FBXO40: variants seen among roughly 807,000 people sequenced by gnomAD.
FBXO40 encodes F-box only protein 40.
Under a neutral mutation model 49.9 loss-of-function variants are expected in FBXO40, and 50 were observed. The ratio of observed to expected loss-of-function variants is 1.00; its 90% CI spans 0.80 to 1.27. FBXO40 has a LOEUF of 1.27. FBXO40 is among the 50% of genes most tolerant of loss of function. FBXO40 has a pLI of 0.00. For missense variants in FBXO40, 895 were observed against 870.1 expected, an observed-to-expected ratio of 1.03 and a Z score of -0.36; for synonymous variants, 340 against 320.2, an observed-to-expected ratio of 1.06 and a Z score of -0.66.
chr3:121,616,001 A>G (rs1279135861), intron 1 of FBXO40, among the ~76,000 whole-genome samples: 1 of 152,192 alleles, frequency 6.6e-6, no homozygotes, highest in Non-Finnish European at 1.5e-5. Context: ...CCACAGCCAG[A>G]CACCCTCACA....
chr3:121,616,207 A>G (rs1275562341), intron 1 of FBXO40, among the ~76,000 whole-genome samples: 1 of 152,064 alleles, frequency 6.6e-6, no homozygotes. Context: ...GACTAGGGCT[A>G]TTAGGAGTAT....
intron 3 of FBXO40, 114 bp from the exon 4 acceptor site, chr3:121,626,579 ACT>A (rs1437707259): frequency 5.5e-6 from 5 of 915,496 alleles, no homozygotes; most frequent in South Asian, 1.5e-5. Context: ...GCCACTAAAC[ACT>A]CTGGAGTCTA....
chr3:121,627,462 C>T lies in FBXO40; in HGVS notation c.*552C>T, dbSNP rs1269336570. The T allele has an allele frequency of 5.7e-6, 1 of 174,378 alleles. No homozygotes were observed. Among genetic ancestry groups the T allele is most frequent in the African/African-American group, 2.4e-5 (1 of 42,278 alleles). 10.8% of individuals were successfully genotyped at this position (174,378 alleles called of 1,614,324 possible). On this transcript the variant is annotated 3_prime_UTR_variant, in exon 4 of 4. Transcript: ENST00000338040. ...CTACTGCCTCTAGGCCAGGGTAGTC[C>T]TAACACAGCCTGACATAGGAGAGCC...
intron 3 of FBXO40, among the ~76,000 whole-genome samples, chr3:121,624,897 A>G (rs565418677): frequency 1.6e-4 from 25 of 152,108 alleles, no homozygotes; most frequent in Admixed American, 1.4e-3. Flanking sequence ...AATCTCTTCA[A>G]ATTACCCGGT....
rs189852620 is a variant in FBXO40 at position 121,609,720 on chromosome 3, G to T, written c.-30-10826G>T. Reference sequence around the variant, plus strand: ...AATCAATAAATTCCTCCCCAGTAAGGGGTAGGGCATGCAGGTAGTACTAAA... The same window carrying T: ...AATCAATAAATTCCTCCCCAGTAAGTGGTAGGGCATGCAGGTAGTACTAAA... On this transcript the variant is annotated intron_variant, in intron 1 of 3. Transcript: ENST00000338040. Among the ~76,000 whole-genome samples, 78 of 152,308 alleles carry T rather than the reference G, an allele frequency of 5.1e-4. 1 individual carries two copies. Among genetic ancestry groups the T allele is most frequent in the African/African-American group, 1.8e-3 (76 of 41,564 alleles).
chr3:121,599,655 TAC>T (rs35027426), intron 1 of FBXO40, among the ~76,000 whole-genome samples: 46,595 of 127,172 alleles, frequency 0.37, 8,803 homozygotes, highest in East Asian at 0.65. Context: ...TTGTAGTGCA[TAC>T]ACACACACAC....
intron 1 of FBXO40, among the ~76,000 whole-genome samples, chr3:121,604,331 C>T (rs2048919731): frequency 6.6e-6 from 1 of 152,054 alleles, no homozygotes; most frequent in South Asian, 2.1e-4. Flanking sequence ...AGAATTATAG[C>T]TATAATTATA....
chr3:121,608,100 C>G (rs959743049), intron 1 of FBXO40, among the ~76,000 whole-genome samples: 2 of 152,176 alleles, frequency 1.3e-5, no homozygotes, highest in Non-Finnish European at 2.9e-5. Context: ...TGCCCATAAG[C>G]GTTAACTGGC....
chr3:121,611,417 C>G (rs528919933), intron 1 of FBXO40, among the ~76,000 whole-genome samples: 2 of 152,100 alleles, frequency 1.3e-5, no homozygotes, highest in African/African-American at 2.4e-5. Flanking sequence ...TGGTACTATA[C>G]CTGGATGTGC....
At position 121,627,287 on chromosome 3, in the gene FBXO40, G is replaced by T; in HGVS notation, c.*377G>T. On this transcript the variant is annotated 3_prime_UTR_variant, in exon 4 of 4. Transcript: ENST00000338040. ...CAGTACAGGCCTGTGCTTTTACATG[G>T]GCTTTTTAGTTCACAAAGCACTTTC... is the stretch of plus-strand genomic sequence containing the variant. 5.2e-6 allele frequency: 1 copy of T among 190,684 alleles called. No individual in the cohort carries two copies. 11.8% of individuals were successfully genotyped at this position (190,684 alleles called of 1,614,324 possible). A position where few individuals can be genotyped will look rare whatever the true frequency, so the allele number is the denominator to read the frequency against.
In FBXO40 at chr3:121,622,152, G is replaced by A; in HGVS notation, c.723G>A (p.Lys241=). Residue 241 remains lysine (K), a synonymous_variant, in exon 3 of 4, where the codon AAG becomes AAA. Transcript: ENST00000338040. ...ATTCATCAGCGAGCTGTGAGAGCAA[G>A]AACAAGAATGACTCCGAGAAAGAAC... ...LTNSSASCES[K]NKNDSEKEQI... 6.2e-7 allele frequency: 1 copy of A among 1,614,150 alleles called. No individual in the cohort carries two copies. The highest frequency in any genetic ancestry group is 8.5e-7 in the Non-Finnish European group (1 of 1,180,028).
intron 1 of FBXO40, among the ~76,000 whole-genome samples, chr3:121,615,749 TCAGGACATCTGGGCACTCTG>T (rs776320864): frequency 1.3e-5 from 2 of 152,174 alleles, no homozygotes; most frequent in Non-Finnish European, 2.9e-5. Flanking sequence ...GGCTGCACTC[TCAGGACATCTGGGCACTCTG>T]CAGGCTTGGT....
rs34348750 is a variant in FBXO40 at position 121,623,210 on chromosome 3, C to G, written c.1781C>G (p.Ala594Gly). The G allele has an allele frequency of 2.1e-3, 3,338 of 1,614,162 alleles. 6 individuals carry two copies. The highest frequency in any genetic ancestry group is 5.4e-3 in the South Asian group (492 of 91,070). Reference protein sequence around the residue: ...IAGFLDSVSLAQLSQVSVLMR... With the variant: ...IAGFLDSVSLGQLSQVSVLMR... ...GGGTTCTTGGACAGCGTCAGCCTGG[C>G]CCAGCTCTCCCAGGTGTCTGTGCTG... The change falls in exon 3 of 4, where the codon GCC becomes GGC. Residue 594 changes from alanine (A) to glycine (G), a missense_variant. Transcript: ENST00000338040.
intron 1 of FBXO40, among the ~76,000 whole-genome samples, chr3:121,602,671 T>C (rs1018624024): frequency 2.0e-5 from 3 of 152,258 alleles, no homozygotes; most frequent in African/African-American, 7.2e-5. Context: ...CCAGTACTCT[T>C]ACTTAACACC....
intron 1 of FBXO40, among the ~76,000 whole-genome samples, chr3:121,604,236 AG>A (rs2048919214): frequency 6.6e-6 from 1 of 152,164 alleles, no homozygotes; most frequent in Non-Finnish European, 1.5e-5. Context: ...GGTAGCTTGA[AG>A]CTGTTGCAGT....
At chr3:121,619,972 A>T (rs931008468) in intron 1 of FBXO40, among the ~76,000 whole-genome samples, 5 of 152,230 alleles carry the variant, frequency 3.3e-5, no homozygotes, top group African/African-American at 1.2e-4. Flanking sequence ...CACTTGCCAG[A>T]GTCTCCATTC....
Position 121,621,647 on chromosome 3 carries a change from C to T in FBXO40, c.218C>T (p.Pro73Leu), listed in dbSNP as rs986296977. The T allele has an allele frequency of 2.5e-6, 4 of 1,614,052 alleles. No individual in the cohort carries two copies. In the African/African-American group the frequency reaches 4.0e-5, roughly 16 times the overall value. ...TGCCTCAACTCCGAATATGGCTGCCCTCTGTCCATGTCCCGCCACAAACTG... is the reference window on the plus strand; with the variant it reads ...TGCCTCAACTCCGAATATGGCTGCCTTCTGTCCATGTCCCGCCACAAACTG... ...VPCLNSEYGC[P>L]LSMSRHKLAK... Residue 73 changes from proline to leucine, a missense_variant, in exon 3 of 4, where the codon CCT becomes CTT. Physicochemically the swap from Pro to Leu is moderately conservative, Grantham distance 98 (BLOSUM62 -3). Transcript: ENST00000338040.
intron 1 of FBXO40, among the ~76,000 whole-genome samples, chr3:121,613,562 CTG>C (rs1280404949): frequency 6.6e-6 from 1 of 152,156 alleles, no homozygotes; most frequent in Non-Finnish European, 1.5e-5. Context: ...CAAGAGAAAA[CTG>C]TTAAGAAAAA....
chr3:121,599,233 C>T (rs1213500878), intron 1 of FBXO40, among the ~76,000 whole-genome samples: 1 of 151,962 alleles, frequency 6.6e-6, no homozygotes, highest in Non-Finnish European at 1.5e-5. Context: ...GTTGGGAGGC[C>T]GAGGTGGGCG....
Sources: gnomAD v4.1 joint callset for allele counts (sites outside exome capture counted in the v4.1 genomes callset) on GRCh38, gnomAD v4.1.1 for gene constraint, MANE v1.5 for transcripts, NCBI Gene and HGNC (gene_info 2026-07-23, HGNC 2026-07-21) for gene names.